CSNK2A2IP: variants seen among roughly 807,000 people sequenced by gnomAD.
CSNK2A2IP encodes casein kinase 2 subunit alpha' interacting protein.
At chr3:88,411,006 G>A in the CSNK2A2IP span, among the ~76,000 whole-genome samples, 2 of 151,952 alleles carry the variant, frequency 1.3e-5, no homozygotes, top group Admixed American at 1.3e-4. Context: ...TTGTGTTGTA[G>A]TGTGGGATAA....
the CSNK2A2IP span, among the ~76,000 whole-genome samples, chr3:88,384,138 G>A: frequency 1.3e-5 from 2 of 152,048 alleles, no homozygotes; most frequent in African/African-American, 4.8e-5. Context: ...GTATACTATG[G>A]TAAATAAGAT....
At chr3:88,452,881 G>C in the CSNK2A2IP span, among the ~76,000 whole-genome samples, 1 of 151,990 alleles carries the variant, frequency 6.6e-6, no homozygotes, top group Admixed American at 6.6e-5. Flanking sequence ...AACTTCTCTT[G>C]GTGAGAGGCT....
At chr3:88,357,191 T>A in the CSNK2A2IP span, among the ~76,000 whole-genome samples, 1 of 152,152 alleles carries the variant, frequency 6.6e-6, no homozygotes, top group Admixed American at 6.5e-5. Context: ...CTCAGCTGAA[T>A]GTGCTGGAAT....
chr3:88,340,521 C>T, the CSNK2A2IP span, among the ~76,000 whole-genome samples: 1 of 151,954 alleles, frequency 6.6e-6, no homozygotes, highest in East Asian at 1.9e-4. Context: ...ACCAAGATCT[C>T]TCCCCTGTCA....
At chr3:88,399,202 A>G in the CSNK2A2IP span, among the ~76,000 whole-genome samples, 5 of 152,194 alleles carry the variant, frequency 3.3e-5, no homozygotes, top group Non-Finnish European at 7.4e-5. Flanking sequence ...TGCAAATATT[A>G]TGTTATTGTG....
At chr3:88,365,701 A>C in the CSNK2A2IP span, among the ~76,000 whole-genome samples, 1 of 152,108 alleles carries the variant, frequency 6.6e-6, no homozygotes, top group African/African-American at 2.4e-5. Flanking sequence ...TTCCTTCACC[A>C]GTGATAGAGA....
At chr3:88,339,456 T>C in the CSNK2A2IP span, among the ~76,000 whole-genome samples, 2 of 152,092 alleles carry the variant, frequency 1.3e-5, no homozygotes, top group South Asian at 4.1e-4. Context: ...GATGAACACA[T>C]AGGTTGTTTC....
the CSNK2A2IP span, among the ~76,000 whole-genome samples, chr3:88,460,145 G>A: frequency 2.0e-5 from 3 of 151,814 alleles, 1 homozygote; most frequent in Admixed American, 6.6e-5. Flanking sequence ...AAAATAATTT[G>A]GACTATTTCA....
the CSNK2A2IP span, among the ~76,000 whole-genome samples, chr3:88,357,385 A>T: frequency 2.6e-5 from 4 of 152,016 alleles, no homozygotes; most frequent in Admixed American, 2.6e-4. Flanking sequence ...TTGACTTTAA[A>T]TGTATTATTT....
chr3:88,432,233 G>T, the CSNK2A2IP span, among the ~76,000 whole-genome samples: 4 of 151,750 alleles, frequency 2.6e-5, no homozygotes, highest in Non-Finnish European at 4.4e-5. Context: ...TTGTTTTAAT[G>T]AAAGGAATGT....
At chr3:88,355,054 A>C in the CSNK2A2IP span, among the ~76,000 whole-genome samples, 5 of 152,148 alleles carry the variant, frequency 3.3e-5, no homozygotes, top group South Asian at 2.1e-4. Context: ...GGCATGATCA[A>C]CCCTGTGAAA....
At chr3:88,347,441 C>A in the CSNK2A2IP span, among the ~76,000 whole-genome samples, 2 of 152,014 alleles carry the variant, frequency 1.3e-5, no homozygotes, top group African/African-American at 4.8e-5. Context: ...GTCATCCCAA[C>A]CTTCAGCAAA....
the CSNK2A2IP span, among the ~76,000 whole-genome samples, chr3:88,446,517 T>C: frequency 0.014 from 2,070 of 152,334 alleles, 39 homozygotes; most frequent in African/African-American, 0.048. Flanking sequence ...TCAACACCTG[T>C]CCTTCCTTTT....
At chr3:88,364,789 G>T in the CSNK2A2IP span, among the ~76,000 whole-genome samples, 1 of 152,100 alleles carries the variant, frequency 6.6e-6, no homozygotes, top group African/African-American at 2.4e-5. Flanking sequence ...ATTTATCTAT[G>T]TGGAAAATAC....
the CSNK2A2IP span, among the ~76,000 whole-genome samples, chr3:88,453,190 T>C: frequency 6.6e-6 from 1 of 152,052 alleles, no homozygotes; most frequent in Non-Finnish European, 1.5e-5. Flanking sequence ...AGTTATTCTC[T>C]TAGAATGATC....
chr3:88,373,547 C>T, the CSNK2A2IP span, among the ~76,000 whole-genome samples: 3 of 148,180 alleles, frequency 2.0e-5, no homozygotes, highest in Non-Finnish European at 4.5e-5. Context: ...GATTGAAAGT[C>T]AAAGCTTCTG....
chr3:88,451,843 G>T, the CSNK2A2IP span, among the ~76,000 whole-genome samples: 5 of 147,532 alleles, frequency 3.4e-5, no homozygotes, highest in East Asian at 9.9e-4. Flanking sequence ...TTTTCTCTTT[G>T]TCTTTCATTC....
At chr3:88,426,164 T>G in the CSNK2A2IP span, among the ~76,000 whole-genome samples, 26 of 152,328 alleles carry the variant, frequency 1.7e-4, no homozygotes, top group Non-Finnish European at 3.4e-4. Flanking sequence ...TGCAAAATTA[T>G]GAAAACCATG....
the CSNK2A2IP span, among the ~76,000 whole-genome samples, chr3:88,409,200 T>A: frequency 6.6e-6 from 1 of 152,100 alleles, no homozygotes; most frequent in Non-Finnish European, 1.5e-5. Context: ...AATGGGTCTA[T>A]AATATGCATG....
Sources: allele counts gnomAD v4.1 joint callset (sites outside exome capture counted in the v4.1 genomes callset), GRCh38; gene constraint gnomAD v4.1.1; transcripts MANE v1.5; gene names NCBI Gene and HGNC (gene_info 2026-07-23, HGNC 2026-07-21).